SPAG9: variants seen among roughly 807,000 people sequenced by gnomAD.
SPAG9 encodes sperm associated antigen 9, also known as C-Jun-amino-terminal kinase-interacting protein 4.
SPAG9 carries 35 observed loss-of-function variants against 166.5 expected under a neutral mutation model. That is an observed-to-expected ratio of 0.21 (90% CI 0.16 to 0.28). SPAG9 has a LOEUF of 0.28. SPAG9 is among the 10% of genes least tolerant of loss of function. The pLI, the probability that SPAG9 is intolerant of heterozygous loss-of-function variation, is 1.00. For missense variants in SPAG9, 1,235 were observed against 1,603.3 expected (o/e 0.77, Z 3.92); for synonymous variants, 534 against 565.5 (o/e 0.94, Z 0.79).
chr17:51,001,260 T>C (rs963916705), intron 13 of SPAG9, among the ~76,000 whole-genome samples: 21 of 152,180 alleles, frequency 1.4e-4, no homozygotes, highest in African/African-American at 5.1e-4. Flanking sequence ...TGGGTGAGAT[T>C]TAAGAGCCAT....
chr17:51,046,724 T>A, intron 4 of SPAG9: 2 of 1,535,826 alleles, frequency 1.3e-6, no homozygotes, highest in Non-Finnish European at 1.7e-6. Flanking sequence ...CAAAGGGGTA[T>A]CTTTGTAGTG....
In SPAG9 at chr17:50,974,676, C is replaced by T. The variant is rs181292467; in HGVS notation, c.3700+95G>A. The T allele has an allele frequency of 4.7e-5, 50 of 1,066,556 alleles. 1 individual carries two copies. The highest frequency in any genetic ancestry group is 3.0e-4 in the Admixed American group (9 of 30,224). The allele number at this position is 1,066,556 out of a possible 1,614,324, so 66.1% of individuals were successfully genotyped here. On this transcript the variant is annotated intron_variant, in intron 28 of 29. Transcript: ENST00000262013. ...GTATATATTGAAATTACCTGCAATT[C>T]GAGTACTTAGCCTTAGACTATTAGG...
chr17:51,047,068 G>T, intron 4 of SPAG9: 1 of 371,244 alleles, frequency 2.7e-6, no homozygotes, highest in Non-Finnish European at 3.7e-6. Context: ...TTACACGGGA[G>T]AAATAAAATA....
chr17:50,975,952 G>C (rs2143650368), intron 27 of SPAG9: 1 of 1,398,530 alleles, frequency 7.2e-7, no homozygotes, highest in South Asian at 1.2e-5. Flanking sequence ...TGACAGGGAG[G>C]AGAGAATTAC....
chr17:51,120,747 G>T lies in SPAG9; in HGVS notation c.-91C>A. 1 of 1,196,984 alleles carries T rather than the reference G, an allele frequency of 8.4e-7. No homozygotes were observed. The highest frequency in any genetic ancestry group is 1.1e-6 in the Non-Finnish European group (1 of 872,452). The allele number at this position is 1,196,984 out of a possible 1,614,324, so 74.1% of individuals were successfully genotyped here. A position where few individuals can be genotyped will look rare whatever the true frequency, so the allele number is the denominator to read the frequency against. Reference sequence around the variant, plus strand: ...GGACGGACCCGACTCGGGCTGGGACGGGTACTAGGGCTGGAGCCCGGGCCG... The same window carrying T: ...GGACGGACCCGACTCGGGCTGGGACTGGTACTAGGGCTGGAGCCCGGGCCG... On this transcript the variant is annotated 5_prime_UTR_variant, in exon 1 of 30. Coordinates refer to ENST00000262013, the MANE Select transcript of SPAG9 (RefSeq NM_001130528.3). The surrounding 1 kb of genome is among the most constrained non-coding windows in gnomAD (Gnocchi z 4.7).
At chr17:51,053,017 C>G (rs1048465260) in intron 3 of SPAG9, among the ~76,000 whole-genome samples, 2 of 151,700 alleles carry the variant, frequency 1.3e-5, no homozygotes, top group Non-Finnish European at 2.9e-5. Context: ...CAAGATCACT[C>G]CAGCCTGGCG....
rs1298459403 is a variant in SPAG9, at chr17:51,094,898, A to G, written c.304-15194T>C. Among the ~76,000 whole-genome samples, 4 of 152,378 alleles carry G rather than the reference A, an allele frequency of 2.6e-5. No homozygotes were observed. The East Asian group carries it at 7.7e-4, about 29-fold the overall frequency. ...CCAGACATAGTTTGTGCCAGTTATC[A>G]GTGAATGAAACTGAATAGGCAATTC... On this transcript the variant is annotated intron_variant, in intron 1 of 29. Transcript: ENST00000262013.
At chr17:51,034,499 C>G (rs1444493231) in intron 5 of SPAG9, among the ~76,000 whole-genome samples, 1 of 152,062 alleles carries the variant, frequency 6.6e-6, no homozygotes, top group Non-Finnish European at 1.5e-5. Flanking sequence ...GCACAGGAGC[C>G]AACCTGAAAG....
intron 9 of SPAG9, chr17:51,009,014 A>T: frequency 2.7e-6 from 1 of 364,818 alleles, no homozygotes; most frequent in Non-Finnish European, 5.3e-6. Context: ...AAAATATATG[A>T]AAGGCAAAAA....
intron 1 of SPAG9, among the ~76,000 whole-genome samples, chr17:51,099,801 T>C (rs2144731224): frequency 6.8e-6 from 1 of 146,278 alleles, no homozygotes; most frequent in African/African-American, 2.5e-5. Context: ...TAGAAATTGT[T>C]ATCTTAAAAA....
At chr17:51,112,671 CAA>C (rs1206604151) in intron 1 of SPAG9, among the ~76,000 whole-genome samples, 105 of 41,382 alleles carry the variant, frequency 2.5e-3, no homozygotes, top group African/African-American at 6.2e-3. Flanking sequence ...TCTGTCTCAA[CAA>C]AAAAAAAAAA....
chr17:51,034,353 C>CA (rs1568024259), intron 5 of SPAG9, among the ~76,000 whole-genome samples: 1 of 152,088 alleles, frequency 6.6e-6, no homozygotes, highest in Non-Finnish European at 1.5e-5. Context: ...ACACTTCTCC[C>CA]AAAAAATGTG....
chr17:51,077,053 GCTAGCTAT>G (rs1431495035), intron 2 of SPAG9, among the ~76,000 whole-genome samples: 115 of 113,218 alleles, frequency 1.0e-3, no homozygotes, highest in African/African-American at 3.3e-3. Context: ...TAGCTATCTA[GCTAGCTAT>G]CTAGCTAGCT....
chr17:51,120,727 G>T lies in SPAG9; in HGVS notation c.-71C>A. On this transcript the variant is annotated 5_prime_UTR_variant, in exon 1 of 30. Coordinates refer to ENST00000262013, the MANE Select transcript of SPAG9 (RefSeq NM_001130528.3). This position sits in a 1 kb window ranked among gnomAD's most constrained non-coding sequence, Gnocchi z 4.7. ...GGGCGGCACCTGCCCGCACGGGACG[G>T]ACCCGACTCGGGCTGGGACGGGTAC... 2 of 1,373,424 alleles carry T rather than the reference G, an allele frequency of 1.5e-6. No homozygotes were observed. The highest frequency in any genetic ancestry group is 1.4e-5 in the African/African-American group (1 of 69,574). 85.1% of individuals were successfully genotyped at this position (1,373,424 alleles called of 1,614,324 possible).
intron 4 of SPAG9, among the ~76,000 whole-genome samples, chr17:51,045,979 A>G (rs1484342381): frequency 6.6e-6 from 1 of 152,250 alleles, no homozygotes; most frequent in East Asian, 1.9e-4. Flanking sequence ...TTTCACTTTA[A>G]AACATATTTT....
At chr17:51,078,190 AAC>A (rs1055233190) in intron 2 of SPAG9, among the ~76,000 whole-genome samples, 4 of 152,136 alleles carry the variant, frequency 2.6e-5, no homozygotes, top group Non-Finnish European at 4.4e-5. Context: ...CAAGGCTAAA[AAC>A]ACAAAGCATG....
At chr17:51,023,435 C>T in intron 6 of SPAG9, 1 of 207,464 alleles carries the variant, frequency 4.8e-6, no homozygotes, top group Non-Finnish European at 1.0e-5. Context: ...CCTTGGCTAA[C>T]ATCAGAAAGT....
At chr17:51,010,006 A>C (rs1230391622) in intron 9 of SPAG9, among the ~76,000 whole-genome samples, 1 of 152,194 alleles carries the variant, frequency 6.6e-6, no homozygotes, top group Admixed American at 6.5e-5. Flanking sequence ...ACTTAAATGA[A>C]GCACAAACTT....
chr17:51,044,550 A>G (rs981164221), intron 4 of SPAG9, among the ~76,000 whole-genome samples: 1 of 152,248 alleles, frequency 6.6e-6, no homozygotes, highest in African/African-American at 2.4e-5. Context: ...ACAACTAATT[A>G]GTAAAATCTG....
Sources: gnomAD v4.1 joint callset for allele counts (sites outside exome capture counted in the v4.1 genomes callset) on GRCh38, gnomAD v4.1.1 for gene constraint, Gnocchi (gnomAD v3.1) non-coding constraint, MANE v1.5 for transcripts, NCBI Gene and HGNC (gene_info 2026-07-23, HGNC 2026-07-21) for gene names.